The following XYLB variants were observed in gnomAD, a reference collection of about 807,000 sequenced individuals.
The protein encoded by XYLB is xylulose kinase.
XYLB carries 62 observed loss-of-function variants against 78.7 expected under a neutral mutation model. That is an observed-to-expected ratio of 0.79 (90% CI 0.64 to 0.97). The LOEUF (loss-of-function observed/expected upper bound fraction) is 0.97, where lower values mean the gene tolerates loss of function less well. Among genes scored for constraint, XYLB ranks in the 50% least tolerant of loss-of-function variants. The probability of loss-of-function intolerance (pLI) is 0.00; values close to 1 mark genes in which losing one functional copy is unlikely to be tolerated. For missense variants in XYLB, 687 were observed against 676.8 expected (o/e 1.02, Z -0.17); for synonymous variants, 245 against 247.4 (o/e 0.99, Z 0.09).
intron 2 of XYLB, among the ~76,000 whole-genome samples, chr3:38,351,701 T>C (rs1334949049): frequency 6.6e-6 from 1 of 152,206 alleles, no homozygotes; most frequent in Non-Finnish European, 1.5e-5. Flanking sequence ...CCCTACCCAC[T>C]GGCAACCGCT....
the XYLB span, among the ~76,000 whole-genome samples, chr3:38,449,093 T>A: frequency 6.6e-6 from 1 of 152,180 alleles, no homozygotes; most frequent in South Asian, 2.1e-4. Context: ...TGTTTTTCAT[T>A]TTTATTTATT....
At chr3:38,445,892 T>G in the XYLB span, among the ~76,000 whole-genome samples, 1 of 152,140 alleles carries the variant, frequency 6.6e-6, no homozygotes, top group Non-Finnish European at 1.5e-5. Flanking sequence ...GGTCCAATGG[T>G]ACTCACTGCT....
chr3:38,357,192 G>C (rs1430443194), intron 2 of XYLB: 1 of 152,182 alleles, frequency 6.6e-6, no homozygotes, highest in Non-Finnish European at 1.5e-5. Context: ...AGCAACCTGA[G>C]CAAACTAATA....
chr3:38,419,706 G>A (rs374128491), downstream of XYLB, among the ~76,000 whole-genome samples: 101 of 149,182 alleles, frequency 6.8e-4, no homozygotes, highest in East Asian at 8.4e-3. Context: ...CTTATTTGCC[G>A]TTTGTACACA....
the XYLB span, among the ~76,000 whole-genome samples, chr3:38,448,423 C>G: frequency 6.6e-6 from 1 of 152,152 alleles, no homozygotes; most frequent in South Asian, 2.1e-4. Context: ...CAAAATTTCT[C>G]ATGTCCTCCA....
intron 15 of XYLB, 28 bp from the exon 16 acceptor site, chr3:38,395,477 T>G (rs1413677649): frequency 7.4e-6 from 12 of 1,612,994 alleles, no homozygotes; most frequent in Non-Finnish European, 1.0e-5. Flanking sequence ...CTGGCATAGC[T>G]ATTTTACTTT....
In XYLB at chr3:38,360,394, C is replaced by T. The variant is rs557019101; in HGVS notation, c.196C>T (p.Leu66=). The stretch of plus-strand genomic sequence containing the variant: ...TGGGCTGACGGTCACTTCTCCAGTA[C>T]TAATGTGGGTCCAGGTAAGCGCAGG... The part of the protein sequence containing the change: ...KDGLTVTSPV[L]MWVQALDIIL... Residue 66 remains leucine (L), a synonymous_variant, in exon 3 of 19, where the codon CTA becomes TTA. Transcript: ENST00000207870. 3.3e-5 allele frequency: 53 copies of T among 1,607,960 alleles called. No individual in the cohort carries two copies. In the South Asian group the frequency reaches 5.5e-4, roughly 17 times the overall value.
At chr3:38,442,480 C>A in the XYLB span, among the ~76,000 whole-genome samples, 2 of 152,120 alleles carry the variant, frequency 1.3e-5, no homozygotes, top group South Asian at 4.1e-4. Flanking sequence ...TCTGTGGGAT[C>A]CTCAAAGGCA....
chr3:38,435,217 T>C, the XYLB span, among the ~76,000 whole-genome samples: 1 of 151,964 alleles, frequency 6.6e-6, no homozygotes, highest in Non-Finnish European at 1.5e-5. Flanking sequence ...ACACATAGAC[T>C]GAAAGTAAAG....
the XYLB span, among the ~76,000 whole-genome samples, chr3:38,447,436 C>T: frequency 6.6e-6 from 1 of 151,272 alleles, no homozygotes; most frequent in Non-Finnish European, 1.5e-5. Flanking sequence ...CCTGAAGAGC[C>T]GAGACCACAG....
chr3:38,362,953 T>G lies in XYLB; in HGVS notation c.227T>G (p.Leu76Trp). The G allele has an allele frequency of 6.3e-7, 1 of 1,583,528 alleles. No individual in the cohort carries two copies. Among genetic ancestry groups the G allele is most frequent in the East Asian group, 2.3e-5 (1 of 42,930 alleles). The change falls in exon 4 of 19, where the codon TTG (leucine) becomes TGG (tryptophan). Residue 76 changes from leucine (L) to tryptophan (W), a missense_variant. Leu to Trp is a moderately conservative substitution (Grantham distance 61). Transcript: ENST00000207870. ...LMWVQALDII[L>W]EKMKASGFDF... is the part of the protein sequence containing the mutation. ...TCTTCTTAGGCACTGGATATCATCT[T>G]GGAGAAGATGAAGGCTTCGGGCTTC...
the XYLB span, among the ~76,000 whole-genome samples, chr3:38,432,515 T>C: frequency 1.3e-5 from 2 of 152,144 alleles, no homozygotes; most frequent in African/African-American, 4.8e-5. Flanking sequence ...TGCAGTGAGC[T>C]GAGATTGCGA....
the XYLB span, among the ~76,000 whole-genome samples, chr3:38,429,598 A>T: frequency 1.3e-5 from 2 of 152,072 alleles, no homozygotes; most frequent in Non-Finnish European, 2.9e-5. Context: ...TCTAGGGTAA[A>T]TGTGCACAAC....
chr3:38,404,291 A>C (rs1708228109), intron 18 of XYLB, among the ~76,000 whole-genome samples: 1 of 152,204 alleles, frequency 6.6e-6, no homozygotes, highest in African/African-American at 2.4e-5. Context: ...TCACAAACAC[A>C]TAATTCACAG....
At chr3:38,357,225 A>C (rs986563057) in intron 2 of XYLB, 7 of 152,194 alleles carry the variant, frequency 4.6e-5, no homozygotes, top group African/African-American at 1.7e-4. Context: ...TTTTGTGTGG[A>C]CATATATTTT....
chr3:38,372,401 A>G, intron 9 of XYLB: 1 of 985,286 alleles, frequency 1.0e-6, no homozygotes, highest in South Asian at 4.7e-5. Context: ...TTAAATCTCA[A>G]GATCAGCAGT....
intron 17 of XYLB, among the ~76,000 whole-genome samples, chr3:38,397,800 A>AT: frequency 6.9e-6 from 1 of 145,720 alleles, no homozygotes; most frequent in Non-Finnish European, 1.5e-5. Flanking sequence ...TAACATACCT[A>AT]TTTCAGCTTA....
At chr3:38,401,156 G>A in intron 18 of XYLB, 171 bp downstream of exon 18, 1 of 619,216 alleles carries the variant, frequency 1.6e-6, no homozygotes, top group Non-Finnish European at 2.8e-6. Context: ...GTTGTCAGCT[G>A]CAAGTCACAG....
intron 12 of XYLB, 108 bp from the exon 13 acceptor site, chr3:38,376,009 T>C (rs1575490599): frequency 1.2e-5 from 9 of 767,364 alleles, no homozygotes; most frequent in East Asian, 4.9e-5. Context: ...CTAGGGGTCG[T>C]GGTCCAGCCT....
Sources: gnomAD v4.1 joint callset for allele counts (sites outside exome capture counted in the v4.1 genomes callset) on GRCh38, gnomAD v4.1.1 for gene constraint, MANE v1.5 for transcripts, NCBI Gene and HGNC (gene_info 2026-07-23, HGNC 2026-07-21) for gene names.